Variants in METTL15 observed in about 807,000 individuals in gnomAD.
The protein encoded by METTL15 is methyltransferase 15, mitochondrial 12S rRNA N4-cytidine, also known as 12S rRNA N(4)-cytidine methyltransferase METTL15.
A neutral mutation model predicts 38.3 loss-of-function variants in METTL15; 34 were observed. The ratio of observed to expected loss-of-function variants is 0.89; its 90% CI spans 0.68 to 1.18. The LOEUF (loss-of-function observed/expected upper bound fraction) is 1.18, where lower values mean the gene tolerates loss of function less well. Among genes scored for constraint, METTL15 ranks in the 50% most tolerant of loss-of-function variants. The pLI is 0.00. For missense variants in METTL15, 438 were observed against 498.4 expected (o/e 0.88, Z 1.15); for synonymous variants, 162 against 170.9 (o/e 0.95, Z 0.41).
intron 4 of METTL15, among the ~76,000 whole-genome samples, chr11:28,266,605 A>G (rs1225963694): frequency 1.3e-5 from 2 of 151,556 alleles, no homozygotes; most frequent in Non-Finnish European, 2.9e-5. Context: ...TTTTTCTCTC[A>G]CTCTACATCC....
downstream of METTL15, among the ~76,000 whole-genome samples, chr11:28,337,726 A>G (rs147681358): frequency 1.8e-3 from 270 of 152,242 alleles, 8 homozygotes; most frequent in East Asian, 0.046. Flanking sequence ...TAATATGTTT[A>G]GATACACAAA....
chr11:28,411,365 T>C (rs1360415861), intron 5 of METTL15, among the ~76,000 whole-genome samples: 11 of 151,994 alleles, frequency 7.2e-5, no homozygotes, highest in Admixed American at 5.9e-4. Context: ...CAAAATAGCA[T>C]AGTACTGGCA....
At chr11:28,500,922 G>A (rs1317601201) in intron 6 of METTL15, among the ~76,000 whole-genome samples, 1 of 152,204 alleles carries the variant, frequency 6.6e-6, no homozygotes, top group Non-Finnish European at 1.5e-5. Context: ...CAGCAGGAAT[G>A]AAAAGAAAGA....
intron 3 of METTL15, among the ~76,000 whole-genome samples, chr11:28,340,685 G>C (rs929137520): frequency 6.6e-6 from 1 of 152,158 alleles, no homozygotes; most frequent in African/African-American, 2.4e-5. Flanking sequence ...GATCTGGAGA[G>C]GATGTGGAGA....
intron 3 of METTL15, among the ~76,000 whole-genome samples, chr11:28,127,139 C>A (rs1852520999): frequency 1.3e-5 from 2 of 151,958 alleles, no homozygotes; most frequent in South Asian, 4.1e-4. Context: ...ATGATTAAGT[C>A]TGCTTTTTAA....
At chr11:28,255,035 G>A (rs570412522) in intron 4 of METTL15, among the ~76,000 whole-genome samples, 3 of 152,022 alleles carry the variant, frequency 2.0e-5, no homozygotes, top group East Asian at 1.9e-4. Context: ...GGATTGCATC[G>A]AATCTGTAGA....
chr11:28,236,496 G>T (rs1853982051), intron 4 of METTL15, among the ~76,000 whole-genome samples: 1 of 152,174 alleles, frequency 6.6e-6, no homozygotes, highest in Admixed American at 6.5e-5. Flanking sequence ...TCTGTTATTG[G>T]TCTATTCAGA....
chr11:28,522,722 C>G (rs1163819826), intron 6 of METTL15, among the ~76,000 whole-genome samples: 1 of 152,164 alleles, frequency 6.6e-6, no homozygotes, highest in African/African-American at 2.4e-5. Flanking sequence ...GACTACATGA[C>G]CATCTCACTT....
At chr11:28,235,375 G>A (rs1201388237) in intron 4 of METTL15, among the ~76,000 whole-genome samples, 2 of 151,926 alleles carry the variant, frequency 1.3e-5, no homozygotes, top group Non-Finnish European at 2.9e-5. Context: ...GGATGGCATT[G>A]AATCTATAAA....
intron 5 of METTL15, among the ~76,000 whole-genome samples, chr11:28,405,764 T>C (rs1850668194): frequency 6.6e-6 from 1 of 152,240 alleles, no homozygotes; most frequent in East Asian, 1.9e-4. Flanking sequence ...GATTTACAAG[T>C]CTTTAGTCTA....
chr11:28,525,845 G>A (rs1851806047), intron 6 of METTL15, among the ~76,000 whole-genome samples: 2 of 152,250 alleles, frequency 1.3e-5, no homozygotes, highest in Non-Finnish European at 2.9e-5. Flanking sequence ...CTGTGGAGCA[G>A]GGGGCGGCGC....
intron 6 of METTL15, among the ~76,000 whole-genome samples, chr11:28,441,921 G>C (rs981536315): frequency 6.6e-6 from 1 of 152,126 alleles, no homozygotes; most frequent in Non-Finnish European, 1.5e-5. Flanking sequence ...TTCAAACATA[G>C]CTTATGGAGT....
chr11:28,122,026 TAATA>T, intron 3 of METTL15: 1 of 544,306 alleles, frequency 1.8e-6, no homozygotes, highest in African/African-American at 2.1e-5. Flanking sequence ...TTTGATCATT[TAATA>T]AATTGTATAT....
At chr11:28,306,591 T>C (rs1028441896) in intron 6 of METTL15, among the ~76,000 whole-genome samples, 1 of 152,026 alleles carries the variant, frequency 6.6e-6, no homozygotes, top group African/African-American at 2.4e-5. Context: ...ATTGAGAGAA[T>C]CAACAGTATG....
chr11:28,373,555 C>A (rs868758413), intron 5 of METTL15, among the ~76,000 whole-genome samples: 1 of 152,080 alleles, frequency 6.6e-6, no homozygotes, highest in African/African-American at 2.4e-5. Flanking sequence ...AATTTTCTCC[C>A]ATTTTGTAGG....
chr11:28,397,336 T>C (rs1284027111), intron 5 of METTL15, among the ~76,000 whole-genome samples: 2 of 152,046 alleles, frequency 1.3e-5, no homozygotes, highest in Non-Finnish European at 2.9e-5. Context: ...TTTTGCAATC[T>C]ACTCATCTGA....
intron 3 of METTL15, among the ~76,000 whole-genome samples, chr11:28,206,557 G>T (rs1008411698): frequency 6.6e-6 from 1 of 150,816 alleles, no homozygotes; most frequent in Non-Finnish European, 1.5e-5. Flanking sequence ...CTCCAGTTTT[G>T]TTCTTTTGCC....
At chr11:28,390,284 T>C (rs1395226751) in intron 5 of METTL15, among the ~76,000 whole-genome samples, 5 of 151,098 alleles carry the variant, frequency 3.3e-5, no homozygotes, top group Admixed American at 1.3e-4. Context: ...TTTGGTGTTT[T>C]AGACATGAAG....
chr11:28,191,162 A>G (rs552516179), intron 3 of METTL15, among the ~76,000 whole-genome samples: 2 of 151,558 alleles, frequency 1.3e-5, no homozygotes, highest in South Asian at 4.2e-4. Context: ...GTAGAATTTC[A>G]ATATTGATTA....
Sources: gnomAD v4.1 joint callset for allele counts (sites outside exome capture counted in the v4.1 genomes callset) on GRCh38, gnomAD v4.1.1 for gene constraint, MANE v1.5 for transcripts, NCBI Gene and HGNC (gene_info 2026-07-23, HGNC 2026-07-21) for gene names.